CRB2: variants seen among roughly 807,000 people sequenced by gnomAD.
The protein encoded by CRB2 is protein crumbs homolog 2.
A neutral mutation model predicts 110.9 loss-of-function variants in CRB2; 85 were observed. That is an observed-to-expected ratio of 0.77 (90% confidence interval 0.64 to 0.92). The LOEUF is 0.92. CRB2 is among the 40% of genes least tolerant of loss of function. The pLI, the probability that CRB2 is intolerant of heterozygous loss-of-function variation, is 0.00. For synonymous variants in CRB2, 907 were observed against 831.0 expected (o/e 1.09, Z -1.57); for missense variants, 1,843 against 1,851.3 (o/e 1.00, Z 0.08).
chr9:123,376,567 C>T (rs1379953511), intron 12 of CRB2, among the ~76,000 whole-genome samples: 1 of 152,174 alleles, frequency 6.6e-6, no homozygotes, highest in Admixed American at 6.5e-5. Flanking sequence ...CCCTGCTTAG[C>T]TCCTGCCGGG....
intron 12 of CRB2, among the ~76,000 whole-genome samples, chr9:123,376,516 T>C (rs1264802065): frequency 2.0e-5 from 3 of 152,208 alleles, no homozygotes; most frequent in African/African-American, 7.2e-5. Context: ...GCTCCTGCTC[T>C]GCCTCATGAG....
rs763169504 is a variant in CRB2, at chr9:123,362,845, C to T, written c.95-20C>T. 1 of 1,553,472 alleles carries T rather than the reference C, an allele frequency of 6.4e-7. No individual in the cohort carries two copies. Among genetic ancestry groups the T allele is most frequent in the African/African-American group, 1.4e-5 (1 of 73,504 alleles). Reference sequence around the variant, plus strand: ...TGTAACCTCTGCCCACCCTGCCCAGCCAGTTTCTTCTTTCTACAGGGACGG... The same window carrying T: ...TGTAACCTCTGCCCACCCTGCCCAGTCAGTTTCTTCTTTCTACAGGGACGG... On this transcript the variant is annotated intron_variant, in intron 1 of 12. Coordinates refer to ENST00000373631, the MANE Select transcript of CRB2 (RefSeq NM_173689.7).
intron 5 of CRB2, 82 bp downstream of exon 5, chr9:123,367,439 C>G: frequency 1.0e-6 from 1 of 987,024 alleles, no homozygotes; most frequent in African/African-American, 2.3e-5. Context: ...ACCCCCCCCA[C>G]CCCCCCACCC....
Position 123,363,081 on chromosome 9 carries a change from G to T in CRB2, c.311G>T (p.Arg104Leu). The T allele has an allele frequency of 2.5e-6, 4 of 1,611,510 alleles. No individual in the cohort carries two copies. Among genetic ancestry groups the T allele is most frequent in the Non-Finnish European group, 3.4e-6 (4 of 1,179,940 alleles). ...TGCGTGCCGGGTTTCCAGGGCCCACGCTGCGAGCTGGACATCGATGAGTGT... is the reference window on the plus strand; with the variant it reads ...TGCGTGCCGGGTTTCCAGGGCCCACTCTGCGAGCTGGACATCGATGAGTGT... ...CYCVPGFQGP[R>L]CELDIDECAS... Residue 104 changes from arginine to leucine, a missense_variant, in exon 2 of 13, where the codon CGC becomes CTC. By Grantham distance (102) the Arg-to-Leu change is moderately radical (BLOSUM62 -2). Transcript: ENST00000373631.
chr9:123,376,786 G>C, intron 12 of CRB2, 52 bp from the exon 13 acceptor site: 1 of 1,505,534 alleles, frequency 6.6e-7, no homozygotes, highest in Admixed American at 2.0e-5. Context: ...TGAGGGCCCC[G>C]GCGTCCTCCC....
Position 123,373,227 on chromosome 9 carries a change from C to T in CRB2, c.2696C>T (p.Ala899Val). 1 of 1,507,728 alleles carries T rather than the reference C, an allele frequency of 6.6e-7. No homozygotes were observed. The highest frequency in any genetic ancestry group is 1.2e-5 in the South Asian group (1 of 81,664). The allele number at this position is 1,507,728 out of a possible 1,614,324, so 93.4% of individuals were successfully genotyped here. The part of the protein sequence containing the change: ...SGRLLGGLSL[A>V]FRTRDSEAWL... ...CGCTTGCTCGGCGGCCTGTCGCTGG[C>T]CTTTCGCACGCGCGACTCCGAGGCC... The change falls in exon 10 of 13, where the codon GCC (alanine) becomes GTC (valine). Residue 899 changes from alanine to valine, a missense_variant. Ala to Val is a moderately conservative substitution (Grantham distance 64, BLOSUM62 0). Coordinates refer to ENST00000373631, the MANE Select transcript of CRB2 (RefSeq NM_173689.7).
rs1479398505 is a variant in CRB2 at position 123,366,287 on chromosome 9, G to A, written c.675G>A (p.Leu225=). Reference sequence around the variant, plus strand: ...GCACGCACTGCGAGCGGGAGGTGCTGGAGTGCGCATCGGCGCCCTGCGAGC... The same window carrying A: ...GCACGCACTGCGAGCGGGAGGTGCTAGAGTGCGCATCGGCGCCCTGCGAGC... ...YEGTHCEREV[L]ECASAPCEHN... Residue 225 remains leucine (L), a synonymous_variant, in exon 4 of 13, where the codon CTG becomes CTA. Transcript: ENST00000373631. The A allele has an allele frequency of 7.9e-6, 12 of 1,521,186 alleles. No homozygotes were observed. The highest frequency in any genetic ancestry group is 9.6e-6 in the Non-Finnish European group (11 of 1,147,140). 94.2% of individuals were successfully genotyped at this position (1,521,186 alleles called of 1,614,324 possible).
At position 123,363,155 on chromosome 9, in the gene CRB2, C is replaced by T. The variant is rs531550272; in HGVS notation, c.385C>T (p.Arg129Cys). ...HGATCRNLAD[R>C]YECHCPLGYA... is the part of the protein sequence containing the mutation. ...GGCCACCTGCCGCAACCTGGCCGAT[C>T]GCTACGAGTGCCATTGCCCCCTTGG... Residue 129 changes from arginine to cysteine, a missense_variant, in exon 2 of 13, where the codon CGC becomes TGC. Coordinates refer to ENST00000373631, the MANE Select transcript of CRB2 (RefSeq NM_173689.7). The T allele has an allele frequency of 9.3e-6, 15 of 1,610,252 alleles. No individual in the cohort carries two copies. Among genetic ancestry groups the T allele is most frequent in the Admixed American group, 3.3e-5 (2 of 59,990 alleles).
chr9:123,363,725 C>T (rs1347259333), intron 2 of CRB2, among the ~76,000 whole-genome samples: 1 of 152,112 alleles, frequency 6.6e-6, no homozygotes, highest in African/African-American at 2.4e-5. Context: ...GTTGACATAC[C>T]CCAGGGATCG....
chr9:123,367,179 C>T lies in CRB2; in HGVS notation c.762C>T (p.Ser254=), dbSNP rs201665228. 170 of 1,590,172 alleles carry T rather than the reference C, an allele frequency of 1.1e-4. No homozygotes were observed. The highest frequency in any genetic ancestry group is 1.2e-4 in the Non-Finnish European group (139 of 1,173,722). Residue 254 remains serine, a synonymous_variant, in exon 5 of 13, where the codon AGC becomes AGT. Transcript: ENST00000373631. Reference sequence around the variant, plus strand: ...GCGTGTGTGTGCCCCCAGGCTACAGCGGCGAGCTGTGCGAGGTGGACGAGG... The same window carrying T: ...GCGTGTGTGTGCCCCCAGGCTACAGTGGCGAGCTGTGCGAGGTGGACGAGG... ...SFRCLCWPGY[S]GELCEVDEDE... is the part of the protein sequence containing the mutation.
At chr9:123,376,265 G>A (rs1183614207) in intron 12 of CRB2, among the ~76,000 whole-genome samples, 3 of 152,180 alleles carry the variant, frequency 2.0e-5, no homozygotes, top group East Asian at 3.9e-4. Context: ...CCATGCCTCT[G>A]GAATCCTCGC....
intron 6 of CRB2, chr9:123,369,056 C>T (rs1421415850): frequency 6.3e-6 from 5 of 791,020 alleles, no homozygotes; most frequent in South Asian, 2.3e-5. Flanking sequence ...ACCCTGGTGA[C>T]TTCTCTGGGC....
intron 2 of CRB2, 123 bp from the exon 3 acceptor site, chr9:123,365,794 C>T: frequency 1.1e-6 from 1 of 898,488 alleles, no homozygotes; most frequent in South Asian, 2.0e-5. Flanking sequence ...ACCACCACCA[C>T]CACCATCCGG....
In CRB2 at chr9:123,367,260, C is replaced by G; in HGVS notation, c.843C>G (p.Asp281Glu). ...QHGGRCLQRS[D>E]PALYGGVQAA... is the part of the protein sequence containing the mutation. ...GGGGCCGATGCCTGCAGCGCTCTGACCCGGCCCTCTACGGGGGTGTCCAGG... is the reference window on the plus strand; with the variant it reads ...GGGGCCGATGCCTGCAGCGCTCTGAGCCGGCCCTCTACGGGGGTGTCCAGG... Residue 281 changes from aspartate to glutamate, a missense_variant, in exon 5 of 13, where the codon GAC becomes GAG. Asp to Glu is a conservative substitution (Grantham distance 45). Coordinates refer to ENST00000373631, the MANE Select transcript of CRB2 (RefSeq NM_173689.7). 1 of 1,598,656 alleles carries G rather than the reference C, an allele frequency of 6.3e-7. No homozygotes were observed. Among genetic ancestry groups the G allele is most frequent in the Non-Finnish European group, 8.5e-7 (1 of 1,177,910 alleles).
intron 2 of CRB2, among the ~76,000 whole-genome samples, chr9:123,365,549 C>G (rs1417785667): frequency 2.6e-5 from 4 of 152,188 alleles, no homozygotes; most frequent in African/African-American, 7.2e-5. Context: ...CCTTCAAAAG[C>G]CTCTTCTTCT....
rs2042050011 is a variant in CRB2, at chr9:123,373,472, G to C, written c.2941G>C (p.Ala981Pro). The change falls in exon 10 of 13, where the codon GCC becomes CCC. Residue 981 changes from alanine to proline, a missense_variant. Coordinates refer to ENST00000373631, the MANE Select transcript of CRB2 (RefSeq NM_173689.7). ...CTGGCTGCTGTGGCTGGATGGTGCC[G>C]CCACCCCGGTGGCGCTGCGCGGCCT... ...SRWLLWLDGA[A>P]TPVALRGLAS... The C allele has an allele frequency of 1.4e-6, 2 of 1,451,772 alleles. No homozygotes were observed. The highest frequency in any genetic ancestry group is 3.0e-5 in the East Asian group (1 of 33,422). The allele number at this position is 1,451,772 out of a possible 1,614,324, so 89.9% of individuals were successfully genotyped here.
chr9:123,371,822 G>C (rs181563915), intron 8 of CRB2, among the ~76,000 whole-genome samples: 1 of 152,154 alleles, frequency 6.6e-6, no homozygotes, highest in Non-Finnish European at 1.5e-5. Context: ...TGGTGTGAGA[G>C]AGACACCCTG....
upstream of CRB2, among the ~76,000 whole-genome samples, chr9:123,355,260 C>A (rs994827168): frequency 1.3e-4 from 20 of 152,158 alleles, no homozygotes; most frequent in Non-Finnish European, 1.8e-4. Flanking sequence ...GGAGAGCAAG[C>A]AAACATCGAG....
chr9:123,356,029 GC>G, upstream of CRB2: 1 of 403,182 alleles, frequency 2.5e-6, no homozygotes, highest in Non-Finnish European at 4.4e-6. Flanking sequence ...GACCAGGTCA[GC>G]CCCACAGGCT....
Sources: allele counts gnomAD v4.1 joint callset (sites outside exome capture counted in the v4.1 genomes callset), GRCh38; gene constraint gnomAD v4.1.1; transcripts MANE v1.5; gene names NCBI Gene and HGNC (gene_info 2026-07-23, HGNC 2026-07-21).